NRCAM: variants seen among roughly 807,000 people sequenced by gnomAD.
The protein encoded by NRCAM is NgCAM-related cell adhesion molecule.
In NRCAM, 83 loss-of-function variants were observed where a neutral mutation model predicts 156.5. The observed-to-expected ratio is 0.53, with a 90% CI of 0.44 to 0.64. NRCAM has a LOEUF of 0.64. Among genes scored for constraint, NRCAM ranks in the 30% least tolerant of loss-of-function variants. The pLI is 0.00. For missense variants in NRCAM, 1,417 were observed against 1,597.3 expected, an observed-to-expected ratio of 0.89 and a Z score of 1.92; for synonymous variants, 538 against 563.9, an observed-to-expected ratio of 0.95 and a Z score of 0.65.
At chr7:108,210,271 G>A (rs1278041395) in intron 11 of NRCAM, among the ~76,000 whole-genome samples, 1 of 150,060 alleles carries the variant, frequency 6.7e-6, no homozygotes, top group Non-Finnish European at 1.5e-5. Flanking sequence ...TTTTGAGATG[G>A]AGTCTTGCTC....
chr7:108,326,287 T>C (rs1052889857), intron 2 of NRCAM, among the ~76,000 whole-genome samples: 11 of 152,200 alleles, frequency 7.2e-5, no homozygotes, highest in Admixed American at 6.5e-5. Context: ...CAAAGACAAC[T>C]GATGTGAATA....
chr7:108,157,945 G>A (rs1046155872), intron 32 of NRCAM, among the ~76,000 whole-genome samples: 2 of 152,100 alleles, frequency 1.3e-5, no homozygotes, highest in Non-Finnish European at 2.9e-5. Context: ...CAATACATAA[G>A]GGAGTGGTAT....
At chr7:108,400,682 A>G (rs770500707) in intron 1 of NRCAM, among the ~76,000 whole-genome samples, 4 of 152,196 alleles carry the variant, frequency 2.6e-5, no homozygotes, top group Non-Finnish European at 5.9e-5. Context: ...GATAGTATCC[A>G]AAACTTTAGA....
At chr7:108,246,196 G>A (rs1189012390) in intron 3 of NRCAM, among the ~76,000 whole-genome samples, 2 of 152,188 alleles carry the variant, frequency 1.3e-5, no homozygotes, top group African/African-American at 4.8e-5. Flanking sequence ...TCACTAAACA[G>A]AGTGGGGAGG....
chr7:108,433,284 T>C (rs1191753400), intron 1 of NRCAM, among the ~76,000 whole-genome samples: 1 of 152,046 alleles, frequency 6.6e-6, no homozygotes. Flanking sequence ...AGCCTGTGGG[T>C]GTACACACTT....
intron 20 of NRCAM, 118 bp downstream of exon 20, chr7:108,189,527 A>G (rs1448651264): frequency 1.6e-6 from 1 of 642,742 alleles, no homozygotes; most frequent in Non-Finnish European, 2.8e-6. Context: ...TTATTCTATC[A>G]GTAATGAAGC....
At chr7:108,347,220 T>C (rs1046066058) in intron 2 of NRCAM, among the ~76,000 whole-genome samples, 7 of 151,794 alleles carry the variant, frequency 4.6e-5, no homozygotes, top group Admixed American at 4.6e-4. Flanking sequence ...TGTATTTTTA[T>C]AGAGATGGGA....
intron 2 of NRCAM, among the ~76,000 whole-genome samples, chr7:108,342,216 A>G (rs1202174287): frequency 2.6e-5 from 4 of 152,186 alleles, no homozygotes; most frequent in African/African-American, 7.2e-5. Context: ...TTGTGCCATC[A>G]AGCCACCCAA....
At chr7:108,185,766 A>G (rs1195972959) in intron 20 of NRCAM, among the ~76,000 whole-genome samples, 2 of 150,224 alleles carry the variant, frequency 1.3e-5, no homozygotes, top group Non-Finnish European at 3.0e-5. Flanking sequence ...GGGCTGTTCC[A>G]TACGTACTGA....
At chr7:108,283,374 G>A (rs1015214450) in intron 3 of NRCAM, among the ~76,000 whole-genome samples, 4 of 152,192 alleles carry the variant, frequency 2.6e-5, no homozygotes, top group African/African-American at 9.7e-5. Context: ...GTGTCACAGA[G>A]ATGTACAGAA....
chr7:108,433,924 G>C (rs926928119), intron 1 of NRCAM, among the ~76,000 whole-genome samples: 1 of 152,120 alleles, frequency 6.6e-6, no homozygotes, highest in African/African-American at 2.4e-5. Flanking sequence ...CCATTCTGAC[G>C]AATGAGCCTT....
intron 2 of NRCAM, among the ~76,000 whole-genome samples, chr7:108,345,658 T>G (rs1027941001): frequency 1.3e-5 from 2 of 152,156 alleles, no homozygotes; most frequent in Admixed American, 6.5e-5. Flanking sequence ...CTCCACCATA[T>G]GAGGATACAG....
rs1395804555 is a variant in NRCAM at position 108,195,745 on chromosome 7, CAG to C, written c.1463+14_1463+15del. 1 of 1,375,598 alleles carries C rather than the reference CAG, an allele frequency of 7.3e-7. No homozygotes were observed. The highest frequency in any genetic ancestry group is 1.4e-5 in the African/African-American group (1 of 69,938). The allele number at this position is 1,375,598 out of a possible 1,614,324, so 85.2% of individuals were successfully genotyped here. A position where few individuals can be genotyped will look rare whatever the true frequency, so the allele number is the denominator to read the frequency against. On this transcript the variant is annotated intron_variant, in intron 15 of 32. Transcript: ENST00000379028. ...AACATTTTAAGTATTGAAAAACACA[CAG>C]AGCTGCTACTTACCACTCGATGGTT...
At chr7:108,333,591 T>C (rs2099148750) in intron 2 of NRCAM, among the ~76,000 whole-genome samples, 1 of 152,210 alleles carries the variant, frequency 6.6e-6, no homozygotes. Context: ...TTATAACAGT[T>C]GTTACAATGA....
At chr7:108,452,991 T>C (rs1852216955) in intron 1 of NRCAM, among the ~76,000 whole-genome samples, 1 of 152,048 alleles carries the variant, frequency 6.6e-6, no homozygotes, top group Non-Finnish European at 1.5e-5. Flanking sequence ...GTGTTCAGTT[T>C]GTGCAAGTTC....
chr7:108,273,663 T>C (rs1476033599), intron 3 of NRCAM, among the ~76,000 whole-genome samples: 1 of 152,232 alleles, frequency 6.6e-6, no homozygotes, highest in African/African-American at 2.4e-5. Context: ...GATGAGTAGA[T>C]TGCAAAAATT....
At chr7:108,169,720 T>C (rs2057275464) in intron 28 of NRCAM, among the ~76,000 whole-genome samples, 2 of 152,162 alleles carry the variant, frequency 1.3e-5, no homozygotes, top group Non-Finnish European at 2.9e-5. Context: ...TTTCTTCTTA[T>C]AGGTAAAATA....
chr7:108,382,502 G>C (rs1024951381), intron 2 of NRCAM, among the ~76,000 whole-genome samples: 1 of 151,976 alleles, frequency 6.6e-6, no homozygotes, highest in East Asian at 1.9e-4. Context: ...CCAGCTACTT[G>C]GAAGGCTGAG....
intron 1 of NRCAM, among the ~76,000 whole-genome samples, chr7:108,424,579 A>G (rs375776659): frequency 6.6e-6 from 1 of 152,194 alleles, no homozygotes; most frequent in East Asian, 1.9e-4. Context: ...TGGGGTTTAC[A>G]CTATTGCTCT....
Sources: gnomAD v4.1 joint callset for allele counts (sites outside exome capture counted in the v4.1 genomes callset) on GRCh38, gnomAD v4.1.1 for gene constraint, MANE v1.5 for transcripts, NCBI Gene and HGNC (gene_info 2026-07-23, HGNC 2026-07-21) for gene names.